The following USP42 variants were observed in gnomAD, a reference collection of about 807,000 sequenced individuals.
USP42 encodes the protein ubiquitin carboxyl-terminal hydrolase 42.
A neutral mutation model predicts 113.0 loss-of-function variants in USP42; 23 were observed. That is an observed-to-expected ratio of 0.20 (90% CI 0.15 to 0.29). The LOEUF (loss-of-function observed/expected upper bound fraction) is 0.29. USP42 is among the 10% of genes least tolerant of loss of function. USP42 has a pLI of 1.00. For missense variants in USP42, 2,174 were observed against 1,779.8 expected, an observed-to-expected ratio of 1.22 and a Z score of -3.99; for synonymous variants, 933 against 699.0, an observed-to-expected ratio of 1.33 and a Z score of -5.28.
chr7:6,113,779 A>G (rs1320904368), intron 2 of USP42, among the ~76,000 whole-genome samples: 1 of 151,822 alleles, frequency 6.6e-6, no homozygotes, highest in Admixed American at 6.6e-5. Context: ...CTGCCACCAC[A>G]CCTGGCTAAT....
intron 14 of USP42, among the ~76,000 whole-genome samples, chr7:6,153,331 A>T (rs1782183949): frequency 6.6e-6 from 1 of 152,066 alleles, no homozygotes; most frequent in Non-Finnish European, 1.5e-5. Flanking sequence ...AATTGGAAGA[A>T]CTAGAGGGAT....
At chr7:6,149,551 G>T in intron 12 of USP42, 32 bp from the exon 13 acceptor site, 1 of 1,580,846 alleles carries the variant, frequency 6.3e-7, no homozygotes, top group Non-Finnish European at 8.6e-7. Context: ...TGTTTCTGGA[G>T]CTCTGACCAG....
chr7:6,155,636 G>C (rs1292420123), intron 15 of USP42, among the ~76,000 whole-genome samples: 8 of 152,178 alleles, frequency 5.3e-5, no homozygotes, highest in Non-Finnish European at 2.9e-5. Flanking sequence ...CAGACAACAG[G>C]AGGCACACTT....
chr7:6,090,071 G>A, the USP42 span, among the ~76,000 whole-genome samples: 18 of 146,776 alleles, frequency 1.2e-4, no homozygotes, highest in East Asian at 3.7e-3. Context: ...AGGTCAAGGT[G>A]GGCAGATCAC....
rs953733730 is a variant in USP42 at position 6,154,911 on chromosome 7, A to C, written c.3357A>C (p.Ala1119=). The C allele has an allele frequency of 1.3e-6, 2 of 1,547,000 alleles. No homozygotes were observed. Among genetic ancestry groups the C allele is most frequent in the African/African-American group, 2.7e-5 (2 of 72,970 alleles). ...GGCACCGCCCCAGCAGCCCCCGCGCAGGCGCGCCCCACGCCCTCGCCCCGC... is the reference window on the plus strand; with the variant it reads ...GGCACCGCCCCAGCAGCCCCCGCGCCGGCGCGCCCCACGCCCTCGCCCCGC... ...RERHRPSSPR[A]GAPHALAPHP... Residue 1119 remains alanine (A), a synonymous_variant, in exon 15 of 18, where the codon GCA becomes GCC. Transcript: ENST00000306177.
At position 6,154,804 on chromosome 7, in the gene USP42, G is replaced by C. The variant is rs997777205; in HGVS notation, c.3250G>C (p.Glu1084Gln). The C allele has an allele frequency of 5.2e-6, 8 of 1,545,854 alleles. No individual in the cohort carries two copies. The highest frequency in any genetic ancestry group is 6.1e-6 in the Non-Finnish European group (7 of 1,144,556). ...WKPFHGGREH[E>Q]RAGLHERPHK... ...GCCCTTCCACGGCGGCCGCGAGCAC[G>C]AGCGGGCCGGGCTGCACGAGCGGCC... is the stretch of plus-strand genomic sequence containing the variant. The change falls in exon 15 of 18, where the codon GAG (glutamate) becomes CAG (glutamine). Residue 1084 changes from glutamate (E) to glutamine (Q), a missense_variant. Coordinates refer to ENST00000306177, the MANE Select transcript of USP42 (RefSeq NM_032172.3).
At chr7:6,119,737 T>A (rs1291416649) in intron 3 of USP42, among the ~76,000 whole-genome samples, 1 of 152,182 alleles carries the variant, frequency 6.6e-6, no homozygotes, top group Non-Finnish European at 1.5e-5. Context: ...ATTCTTGCTC[T>A]GTTGCCCAGG....
Position 6,146,021 on chromosome 7 carries a change from C to G in USP42, c.1132-127C>G, listed in dbSNP as rs1781698316. ...GGAGGTGGAGATTGCAAGATCACGC[C>G]ACTGCACTCCAGCCTGGGTGACAGA... On this transcript the variant is annotated intron_variant, in intron 10 of 17. Transcript: ENST00000306177. 7 of 758,080 alleles carry G rather than the reference C, an allele frequency of 9.2e-6. No homozygotes were observed. The East Asian group carries it at 1.9e-4, about 21-fold the overall frequency. The allele number at this position is 758,080 out of a possible 1,614,324, so 47.0% of individuals were successfully genotyped here.
chr7:6,135,591 G>A, intron 3 of USP42, among the ~76,000 whole-genome samples: 1 of 135,934 alleles, frequency 7.4e-6, no homozygotes. Flanking sequence ...GGCCGAGGTT[G>A]CAGTGAGCCA....
At position 6,111,208 on chromosome 7, in the gene USP42, A is replaced by T. The variant is rs1779579449; in HGVS notation, c.75A>T (p.Ala25=). The T allele has an allele frequency of 1.2e-6, 2 of 1,611,444 alleles. No homozygotes were observed. Among genetic ancestry groups the T allele is most frequent in the Non-Finnish European group, 1.7e-6 (2 of 1,178,716 alleles). ...AGAATCAGCCTGGCAGCTCCGAGGC[A>T]GTCTCACCTGGAGACATGGATGCAG... ...AYQNQPGSSE[A]VSPGDMDAGS... Residue 25 remains alanine, a synonymous_variant, in exon 2 of 18, where the codon GCA becomes GCT. Transcript: ENST00000306177.
chr7:6,113,064 C>T (rs1470866716), intron 2 of USP42, among the ~76,000 whole-genome samples: 2 of 151,816 alleles, frequency 1.3e-5, no homozygotes, highest in East Asian at 3.9e-4. Flanking sequence ...CCACCATGCC[C>T]AGCTACATTT....
intron 1 of USP42, among the ~76,000 whole-genome samples, chr7:6,108,610 A>G (rs1484498868): frequency 1.3e-5 from 2 of 152,050 alleles, no homozygotes; most frequent in Non-Finnish European, 2.9e-5. Flanking sequence ...CTTCCCGAGT[A>G]GCTGGGATTA....
intron 1 of USP42, among the ~76,000 whole-genome samples, chr7:6,110,898 CT>C (rs1779562691): frequency 6.6e-6 from 1 of 152,164 alleles, no homozygotes; most frequent in South Asian, 2.1e-4. Flanking sequence ...AAATACTTCA[CT>C]GAAGATTTTA....
chr7:6,100,623 C>A (rs1265097659), upstream of USP42, among the ~76,000 whole-genome samples: 1 of 150,418 alleles, frequency 6.6e-6, no homozygotes, highest in African/African-American at 2.5e-5. Context: ...AGCCACTGTG[C>A]CTGGCACCTG....
chr7:6,116,346 A>G (rs2128481837), intron 3 of USP42: 1 of 167,262 alleles, frequency 6.0e-6, no homozygotes, highest in East Asian at 1.9e-4. Flanking sequence ...AAAGCTTATT[A>G]AAATGTCTTT....
chr7:6,104,526 T>C (rs1052268042), upstream of USP42, among the ~76,000 whole-genome samples: 46 of 152,376 alleles, frequency 3.0e-4, no homozygotes, highest in African/African-American at 9.6e-4. Flanking sequence ...CCCAGACTCC[T>C]GCGTCCCCAG....
At chr7:6,087,340 C>CTTTT in the USP42 span, among the ~76,000 whole-genome samples, 21 of 116,466 alleles carry the variant, frequency 1.8e-4, no homozygotes, top group East Asian at 5.2e-4. Flanking sequence ...CTAAGCGCTT[C>CTTTT]TTTTTTTTTT....
intron 1 of USP42, among the ~76,000 whole-genome samples, chr7:6,107,152 A>G (rs1779329561): frequency 6.6e-6 from 1 of 152,186 alleles, no homozygotes. Context: ...CCACAGTTAC[A>G]ATGCTGTATG....
intron 1 of USP42, among the ~76,000 whole-genome samples, chr7:6,109,889 T>C (rs543206271): frequency 2.0e-5 from 3 of 150,918 alleles, no homozygotes; most frequent in African/African-American, 7.3e-5. Flanking sequence ...TTAGTAGAGA[T>C]GAGGTTTCAC....
Sources: gnomAD v4.1 joint callset for allele counts (sites outside exome capture counted in the v4.1 genomes callset) on GRCh38, gnomAD v4.1.1 for gene constraint, MANE v1.5 for transcripts, NCBI Gene and HGNC (gene_info 2026-07-23, HGNC 2026-07-21) for gene names.